DISP1: variants seen among roughly 807,000 people sequenced by gnomAD.
DISP1 encodes protein dispatched homolog 1.
Under a neutral mutation model 37.3 loss-of-function variants are expected in DISP1, and 30 were observed. The observed-to-expected ratio is 0.80, with a 90% CI of 0.60 to 1.09. DISP1 has a LOEUF of 1.09. DISP1 is among the 50% of genes least tolerant of loss of function. The pLI is 0.00. For missense variants in DISP1, 1,598 were observed against 1,879.5 expected (o/e 0.85, Z 2.77); for synonymous variants, 634 against 690.2 (o/e 0.92, Z 1.28).
In DISP1 at chr1:223,004,056, G is replaced by T. The variant is rs1359521196; in HGVS notation, c.2659G>T (p.Glu887Ter). Residue 887 changes from glutamate to a stop codon, truncating the protein, a stop_gained, in exon 9 of 9, where the codon GAA (glutamate) becomes TAA (stop). Transcript: ENST00000675850. LOFTEE classifies it low-confidence loss of function (END_TRUNC). The surrounding 1 kb of genome is among the most constrained non-coding windows in gnomAD (Gnocchi z 4.9). ...CTTCCCCTACAAGCAAGAGATTTTT[G>T]AACTGTGCATCAAGAGAGCTATCAT... The part of the protein sequence containing the change: ...WSFPYKQEIF[E>*]LCIKRAIMEL... 1 of 1,614,064 alleles carries T rather than the reference G, an allele frequency of 6.2e-7. No homozygotes were observed. The highest frequency in any genetic ancestry group is 8.5e-7 in the Non-Finnish European group (1 of 1,180,016).
chr1:222,836,779 A>C (rs969993108), intron 1 of DISP1: 1 of 232,226 alleles, frequency 4.3e-6, no homozygotes, highest in African/African-American at 2.3e-5. Flanking sequence ...ACACACACAC[A>C]CACCTATTGT....
At chr1:222,949,260 G>A (rs1012470239) in intron 3 of DISP1, among the ~76,000 whole-genome samples, 1 of 151,968 alleles carries the variant, frequency 6.6e-6, no homozygotes, top group Non-Finnish European at 1.5e-5. Flanking sequence ...CTGGTGTGGT[G>A]GTGCGCACCT....
Position 223,005,501 on chromosome 1 carries a change from A to C in DISP1, c.4104A>C (p.Lys1368Asn). Residue 1368 changes from lysine to asparagine, a missense_variant, in exon 9 of 9, where the codon AAA becomes AAC. Transcript: ENST00000675850. The part of the protein sequence containing the change: ...HPVQHIQAQE[K>N]IGKTNVHSLQ... ...TGCAGCACATTCAGGCCCAAGAAAA[A>C]ATTGGCAAGACCAATGTACACAGTC... 1 of 1,614,012 alleles carries C rather than the reference A, an allele frequency of 6.2e-7. No individual in the cohort carries two copies. Among genetic ancestry groups the C allele is most frequent in the East Asian group, 2.2e-5 (1 of 44,888 alleles).
At chr1:222,838,488 G>C (rs1667386384) in intron 1 of DISP1, among the ~76,000 whole-genome samples, 1 of 151,986 alleles carries the variant, frequency 6.6e-6, no homozygotes, top group African/African-American at 2.4e-5. Context: ...AAACTTTTCA[G>C]CTGGGCATGG....
rs761990609 is a variant in DISP1 at position 223,005,463 on chromosome 1, T to C, written c.4066T>C (p.Phe1356Leu). 16 of 1,613,718 alleles carry C rather than the reference T, an allele frequency of 9.9e-6. No homozygotes were observed. Among genetic ancestry groups the C allele is most frequent in the Non-Finnish European group, 1.4e-5 (16 of 1,180,022 alleles). The part of the protein sequence containing the change: ...GMQNSLPRNF[F>L]LHPVQHIQAQ... ...GCAGAATTCTCTGCCTAGGAATTTT[T>C]TCCTCCACCCAGTGCAGCACATTCA... Residue 1356 changes from phenylalanine (F) to leucine (L), a missense_variant, in exon 9 of 9, where the codon TTC (phenylalanine) becomes CTC (leucine). Phe to Leu is a conservative substitution (Grantham distance 22). Transcript: ENST00000675850.
rs184850587 is a variant in DISP1, at chr1:222,888,975, G to A, written c.-158-39455G>A. ...ATAGTGATGTTTCTATACATATAATGTATAGTGATCAATCTGATTACTTGG... is the reference window on the plus strand; with the variant it reads ...ATAGTGATGTTTCTATACATATAATATATAGTGATCAATCTGATTACTTGG... On this transcript the variant is annotated intron_variant, in intron 1 of 8. Transcript: ENST00000675850. Among the ~76,000 whole-genome samples, 450 of 152,086 alleles carry A rather than the reference G, an allele frequency of 3.0e-3. 3 individuals are homozygous for A. Among genetic ancestry groups the A allele is most frequent in the African/African-American group, 0.011 (437 of 41,522 alleles).
chr1:222,884,071 AC>A (rs1348915064), intron 1 of DISP1, among the ~76,000 whole-genome samples: 1 of 152,056 alleles, frequency 6.6e-6, no homozygotes, highest in Non-Finnish European at 1.5e-5. Flanking sequence ...CTCCTCTTTA[AC>A]CACTGCTGCT....
chr1:222,917,591 G>A (rs1475893988), intron 1 of DISP1, among the ~76,000 whole-genome samples: 1 of 152,128 alleles, frequency 6.6e-6, no homozygotes. Context: ...GGTTCATATT[G>A]TCCTTTTGTC....
intron 2 of DISP1, among the ~76,000 whole-genome samples, chr1:222,939,578 C>G (rs1674226519): frequency 6.6e-6 from 1 of 151,364 alleles, no homozygotes; most frequent in African/African-American, 2.4e-5. Flanking sequence ...ATCCTAATCC[C>G]AGCACTTTGG....
At chr1:222,976,568 C>G (rs542842209) in intron 3 of DISP1, among the ~76,000 whole-genome samples, 8 of 152,042 alleles carry the variant, frequency 5.3e-5, no homozygotes, top group African/African-American at 1.9e-4. Flanking sequence ...TCTTTTCCAA[C>G]TGATGTTGAC....
chr1:222,956,765 A>G (rs1352914599), intron 3 of DISP1, among the ~76,000 whole-genome samples: 3 of 152,074 alleles, frequency 2.0e-5, no homozygotes, highest in African/African-American at 7.2e-5. Flanking sequence ...CTCTTAAGTT[A>G]GTTAAGTTTA....
chr1:222,956,905 G>C (rs1364944138), intron 3 of DISP1, among the ~76,000 whole-genome samples: 1 of 152,026 alleles, frequency 6.6e-6, no homozygotes, highest in Non-Finnish European at 1.5e-5. Context: ...CACAGCAACA[G>C]TCTGGCATGA....
chr1:222,974,797 G>A (rs964195417), intron 3 of DISP1, among the ~76,000 whole-genome samples: 2 of 152,194 alleles, frequency 1.3e-5, no homozygotes, highest in Non-Finnish European at 2.9e-5. Context: ...TAGAGCCCAA[G>A]TGTGCCAGTG....
At chr1:222,849,861 A>T (rs1668125587) in intron 1 of DISP1, among the ~76,000 whole-genome samples, 2 of 152,178 alleles carry the variant, frequency 1.3e-5, no homozygotes, top group Non-Finnish European at 1.5e-5. Context: ...AATAAAATTT[A>T]TTCTAGTGTC....
At chr1:222,870,798 G>T (rs1669518467) in intron 1 of DISP1, among the ~76,000 whole-genome samples, 1 of 152,156 alleles carries the variant, frequency 6.6e-6, no homozygotes, top group Non-Finnish European at 1.5e-5. Flanking sequence ...AGTTTAATTA[G>T]ATGCCATTTG....
chr1:222,822,275 C>G (rs1010641973), intron 1 of DISP1, among the ~76,000 whole-genome samples: 3 of 152,170 alleles, frequency 2.0e-5, no homozygotes, highest in African/African-American at 7.2e-5. Flanking sequence ...GCATTTGACT[C>G]AGAGTGACAT....
intron 3 of DISP1, among the ~76,000 whole-genome samples, chr1:222,965,626 C>T (rs560240452): frequency 7.2e-5 from 11 of 152,192 alleles, no homozygotes; most frequent in East Asian, 1.9e-4. Context: ...CTGTGCACTG[C>T]GACCATTTCT....
intron 5 of DISP1, among the ~76,000 whole-genome samples, chr1:222,991,033 T>A (rs530032714): frequency 6.6e-6 from 1 of 152,206 alleles, no homozygotes; most frequent in East Asian, 1.9e-4. Flanking sequence ...ATTATTCTCA[T>A]AAAGTCTTTA....
intron 3 of DISP1, among the ~76,000 whole-genome samples, chr1:222,975,385 T>G (rs34684409): frequency 6.6e-6 from 1 of 151,902 alleles, no homozygotes; most frequent in Admixed American, 6.6e-5. Flanking sequence ...AATAGAATTC[T>G]CTAGACTGAT....
Sources: gnomAD v4.1 joint callset for allele counts (sites outside exome capture counted in the v4.1 genomes callset) on GRCh38, gnomAD v4.1.1 for gene constraint, Gnocchi (gnomAD v3.1) non-coding constraint, MANE v1.5 for transcripts, NCBI Gene and HGNC (gene_info 2026-07-23, HGNC 2026-07-21) for gene names.